Variants in NPAS3 observed in about 807,000 individuals in gnomAD.
The protein encoded by NPAS3 is neuronal PAS domain protein 3, also known as neuronal PAS domain-containing protein 3.
In NPAS3, 14 loss-of-function variants were observed where a neutral mutation model predicts 73.1. That is an observed-to-expected ratio of 0.19 (90% CI 0.13 to 0.30). NPAS3 has a LOEUF of 0.30. Ranked by LOEUF, NPAS3 falls within the 10% of genes least tolerant of loss-of-function variation. The pLI is 1.00. For missense variants in NPAS3, 1,096 were observed against 1,250.0 expected (o/e 0.88, Z 1.86); for synonymous variants, 620 against 541.5 (o/e 1.14, Z -2.01).
intron 4 of NPAS3, among the ~76,000 whole-genome samples, chr14:33,449,248 T>C (rs984529469): frequency 1.2e-4 from 19 of 152,180 alleles, no homozygotes; most frequent in Non-Finnish European, 4.4e-5. Flanking sequence ...CATCCTCATA[T>C]TTTAGGAGTT....
chr14:33,317,656 T>A (rs1054176343), intron 3 of NPAS3, among the ~76,000 whole-genome samples: 1 of 152,056 alleles, frequency 6.6e-6, no homozygotes, highest in African/African-American at 2.4e-5. Context: ...GCACTTCTCC[T>A]TCCTGCCACT....
At position 33,412,166 on chromosome 14, in the gene NPAS3, T is replaced by G. The variant is rs542913005; in HGVS notation, c.468+44898T>G. On this transcript the variant is annotated intron_variant, in intron 4 of 11. Transcript: ENST00000356141. ...CAGGGTCTCACTCTGTCCCCCAGGC[T>G]GGAATGCAGTGACATGATCTCAGCT... Among the ~76,000 whole-genome samples the G allele has an allele frequency of 2.6e-5, 4 of 152,290 alleles. No homozygotes were observed. The South Asian group carries it at 8.3e-4, about 32-fold the overall frequency.
chr14:32,938,524 A>AGAGAGAGG (rs755281473), upstream of NPAS3, among the ~76,000 whole-genome samples: 1 of 97,398 alleles, frequency 1.0e-5, no homozygotes. Context: ...AGAGAGAGAG[A>AGAGAGAGG]AGGGGGGGGA....
chr14:33,371,765 T>G (rs1306176584), intron 4 of NPAS3, among the ~76,000 whole-genome samples: 2 of 152,190 alleles, frequency 1.3e-5, no homozygotes, highest in Non-Finnish European at 2.9e-5. Flanking sequence ...CTAGTCTGGA[T>G]GGATTTCAGC....
At chr14:33,473,199 A>T (rs939441631) in intron 4 of NPAS3, among the ~76,000 whole-genome samples, 5 of 152,182 alleles carry the variant, frequency 3.3e-5, no homozygotes, top group Non-Finnish European at 7.4e-5. Context: ...CTAGCATTCT[A>T]TCAGTATCAT....
intron 2 of NPAS3, among the ~76,000 whole-genome samples, chr14:33,094,044 C>G (rs746190466): frequency 1.2e-4 from 18 of 151,792 alleles, no homozygotes; most frequent in Non-Finnish European, 2.5e-4. Flanking sequence ...GTGCAGCACA[C>G]CAACATGGCA....
intron 6 of NPAS3, among the ~76,000 whole-genome samples, chr14:33,680,186 C>A (rs2149837): frequency 2.9e-4 from 44 of 152,140 alleles, no homozygotes; most frequent in African/African-American, 1.1e-3. Context: ...GAGTACTATC[C>A]TCATCTTTTT....
intron 1 of NPAS3, among the ~76,000 whole-genome samples, chr14:32,960,521 A>G (rs1467770965): frequency 6.6e-6 from 1 of 152,204 alleles, no homozygotes; most frequent in Non-Finnish European, 1.5e-5. Flanking sequence ...CAAATTGTAG[A>G]CCATTTTTTA....
intron 3 of NPAS3, among the ~76,000 whole-genome samples, chr14:33,301,080 G>C (rs1814512407): frequency 6.6e-6 from 1 of 151,644 alleles, no homozygotes; most frequent in South Asian, 2.1e-4. Context: ...TTTTTTCTCA[G>C]TCTCCTGCCC....
At chr14:32,982,459 C>T (rs987409764) in intron 1 of NPAS3, among the ~76,000 whole-genome samples, 2 of 152,080 alleles carry the variant, frequency 1.3e-5, no homozygotes, top group Non-Finnish European at 2.9e-5. Context: ...CCTGTAATCC[C>T]AGCACTTAGG....
intron 1 of NPAS3, among the ~76,000 whole-genome samples, chr14:32,991,467 A>G (rs1188943314): frequency 1.3e-5 from 2 of 152,150 alleles, no homozygotes; most frequent in Non-Finnish European, 2.9e-5. Flanking sequence ...TTGAAGCTGT[A>G]CAAGGTAGTG....
At chr14:33,037,225 G>C (rs1056566269) in intron 1 of NPAS3, among the ~76,000 whole-genome samples, 1 of 152,110 alleles carries the variant, frequency 6.6e-6, no homozygotes, top group Non-Finnish European at 1.5e-5. Flanking sequence ...ATCCATATTA[G>C]AGCATCATTA....
exon 9 of NPAS3, chr14:33,778,542 G>A (rs1324942378): frequency 5.0e-6 from 8 of 1,613,742 alleles, no homozygotes; most frequent in South Asian, 2.2e-5. Context: ...TGCTGAAGAC[G>A]TGGAGGGCAT....
intron 9 of NPAS3, among the ~76,000 whole-genome samples, chr14:33,788,675 C>T (rs1475137527): frequency 6.6e-6 from 1 of 152,104 alleles, no homozygotes; most frequent in African/African-American, 2.4e-5. Context: ...CAAACTTGTA[C>T]TGATTTGTTT....
At position 33,643,389 on chromosome 14, in the gene NPAS3, A is replaced by AC. The variant is rs1299164555; in HGVS notation, c.559-32822_559-32821insC. Among the ~76,000 whole-genome samples the AC allele has an allele frequency of 4.9e-4, 72 of 147,272 alleles. 1 individual carries two copies. The highest frequency in any genetic ancestry group is 2.2e-4 in the South Asian group (1 of 4,490). The stretch of plus-strand genomic sequence containing the variant: ...GAAATAAAAATTAAAAAAAAAAAAA[A>AC]AAAAAAAAACGAGAGAGATGGAGCA... On this transcript the variant is annotated intron_variant, in intron 5 of 11. Coordinates refer to ENST00000356141, the Ensembl canonical transcript of NPAS3.
At chr14:33,327,261 T>C (rs377565585) in intron 3 of NPAS3, among the ~76,000 whole-genome samples, 4 of 152,222 alleles carry the variant, frequency 2.6e-5, no homozygotes, top group African/African-American at 9.6e-5. Context: ...ACTGTCATAT[T>C]GAGTGCATGC....
chr14:32,984,358 CTGTAAGGTGAAAA>C (rs1224016444), intron 1 of NPAS3, among the ~76,000 whole-genome samples: 1 of 152,118 alleles, frequency 6.6e-6, no homozygotes, highest in African/African-American at 2.4e-5. Flanking sequence ...TTTAGTGCTT[CTGTAAGGTGAAAA>C]TGCTCAAATA....
chr14:33,343,270 G>T (rs918306665), intron 3 of NPAS3, among the ~76,000 whole-genome samples: 1 of 152,120 alleles, frequency 6.6e-6, no homozygotes, highest in African/African-American at 2.4e-5. Context: ...TTTGTTTTGT[G>T]AGCACTTTAA....
intron 2 of NPAS3, among the ~76,000 whole-genome samples, chr14:33,127,173 A>C (rs1051230349): frequency 6.6e-6 from 1 of 151,446 alleles, no homozygotes; most frequent in African/African-American, 2.4e-5. Context: ...TGTAAATGGC[A>C]GTTTGGTTTT....
Sources: allele counts gnomAD v4.1 joint callset (sites outside exome capture counted in the v4.1 genomes callset), GRCh38; gene constraint gnomAD v4.1.1; transcripts MANE v1.5; gene names NCBI Gene and HGNC (gene_info 2026-07-23, HGNC 2026-07-21).